The following SGCZ variants were observed in gnomAD, a reference collection of about 807,000 sequenced individuals.
The protein encoded by SGCZ is sarcoglycan zeta.
SGCZ carries 40 observed loss-of-function variants against 41.3 expected under a neutral mutation model. The observed-to-expected ratio is 0.97, with a 90% CI of 0.75 to 1.26. The LOEUF (loss-of-function observed/expected upper bound fraction) is 1.26. Among genes scored for constraint, SGCZ ranks in the 50% most tolerant of loss-of-function variants. SGCZ has a pLI of 0.00. For synonymous variants in SGCZ, 206 were observed against 137.5 expected, an observed-to-expected ratio of 1.50 and a Z score of -3.49; for missense variants, 552 against 369.8, an observed-to-expected ratio of 1.49 and a Z score of -4.04.
At chr8:14,602,514 C>T (rs1001525538) in intron 1 of SGCZ, among the ~76,000 whole-genome samples, 1 of 151,938 alleles carries the variant, frequency 6.6e-6, no homozygotes, top group East Asian at 1.9e-4. Flanking sequence ...GTGAGATCCT[C>T]TCTCTAGTGA....
chr8:14,599,360 C>A (rs1043363141), intron 1 of SGCZ, among the ~76,000 whole-genome samples: 3 of 152,170 alleles, frequency 2.0e-5, no homozygotes, highest in African/African-American at 7.2e-5. Context: ...CTTGTCAAAA[C>A]CACCTCTACA....
intron 2 of SGCZ, among the ~76,000 whole-genome samples, chr8:14,504,520 C>T (rs565385069): frequency 6.6e-6 from 1 of 152,216 alleles, no homozygotes; most frequent in South Asian, 2.1e-4. Flanking sequence ...TTGTCATAGA[C>T]TTTTATTATC....
At chr8:15,031,590 A>T (rs1279685704) in intron 1 of SGCZ, among the ~76,000 whole-genome samples, 2 of 152,172 alleles carry the variant, frequency 1.3e-5, no homozygotes, top group African/African-American at 4.8e-5. Flanking sequence ...AAGTCAAGGA[A>T]TATGTGCAAG....
intron 1 of SGCZ, among the ~76,000 whole-genome samples, chr8:15,102,819 C>A (rs1418895132): frequency 6.6e-6 from 1 of 152,162 alleles, no homozygotes; most frequent in African/African-American, 2.4e-5. Context: ...TCAAGTCTTA[C>A]ATTTCTAATG....
intron 5 of SGCZ, among the ~76,000 whole-genome samples, chr8:14,144,403 A>G (rs1563151614): frequency 6.6e-6 from 1 of 152,182 alleles, no homozygotes; most frequent in Admixed American, 6.5e-5. Flanking sequence ...TTTGAAGAAA[A>G]GGACCCAGTC....
chr8:14,690,728 G>A (rs562303459), intron 1 of SGCZ: 1 of 152,186 alleles, frequency 6.6e-6, no homozygotes, highest in East Asian at 1.9e-4. Flanking sequence ...CCTTCATTCT[G>A]TTCAGAATAT....
At chr8:15,195,875 C>T (rs980458600) in intron 1 of SGCZ, among the ~76,000 whole-genome samples, 2 of 149,066 alleles carry the variant, frequency 1.3e-5, no homozygotes, top group Non-Finnish European at 3.0e-5. Flanking sequence ...GGGTTTTATA[C>T]ATCCTTAGGC....
intron 4 of SGCZ, among the ~76,000 whole-genome samples, chr8:14,220,327 GA>G (rs1287903522): frequency 5.3e-5 from 8 of 152,038 alleles, no homozygotes; most frequent in East Asian, 3.9e-4. Context: ...AATATTACGA[GA>G]AAAAAAGTCA....
intron 1 of SGCZ, among the ~76,000 whole-genome samples, chr8:14,576,445 T>A (rs1486602021): frequency 6.6e-6 from 1 of 152,170 alleles, no homozygotes; most frequent in East Asian, 1.9e-4. Context: ...TGAAGTAATA[T>A]GTAGTAGTGG....
At chr8:14,774,545 T>A (rs771654248) in intron 1 of SGCZ, among the ~76,000 whole-genome samples, 1 of 152,152 alleles carries the variant, frequency 6.6e-6, no homozygotes, top group Non-Finnish European at 1.5e-5. Context: ...GGTGTGGAAA[T>A]CAGTCTTTAT....
At chr8:14,479,731 CTTTTTTTTTT>C (rs529812029) in intron 2 of SGCZ, among the ~76,000 whole-genome samples, 14 of 52,978 alleles carry the variant, frequency 2.6e-4, no homozygotes, top group African/African-American at 7.1e-4. Context: ...AATTCTACTT[CTTTTTTTTTT>C]TTTTTTTTTT....
At position 14,465,952 on chromosome 8, in the gene SGCZ, G is replaced by A. The variant is rs571390674; in HGVS notation, c.234+88780C>T. On this transcript the variant is annotated intron_variant, in intron 2 of 7. Transcript: ENST00000382080. Reference sequence around the variant, plus strand: ...AGCTTTAGACTAATAAGTTTTTAATGTATTTTTCTCTTAAATCATGTACAA... The same window carrying A: ...AGCTTTAGACTAATAAGTTTTTAATATATTTTTCTCTTAAATCATGTACAA... Among the ~76,000 whole-genome samples, 8 of 151,976 alleles carry A rather than the reference G, an allele frequency of 5.3e-5. No homozygotes were observed. In the South Asian group the frequency reaches 1.7e-3, roughly 32 times the overall value.
rs185533386 is a variant in SGCZ, at chr8:14,270,204, T to C, written c.337-32525A>G. On this transcript the variant is annotated intron_variant, in intron 3 of 7. Transcript: ENST00000382080. ...AAAATTAGCTGGTTGTGGTGACCCA[T>C]GTCTGTAATCCCAGCTACTAGGGAG... Among the ~76,000 whole-genome samples, 455 of 152,078 alleles carry C rather than the reference T, an allele frequency of 3.0e-3. 1 individual carries two copies. The highest frequency in any genetic ancestry group is 0.01 in the African/African-American group (423 of 41,496).
intron 3 of SGCZ, among the ~76,000 whole-genome samples, chr8:14,255,742 G>A (rs1195999410): frequency 6.6e-6 from 1 of 151,922 alleles, no homozygotes; most frequent in African/African-American, 2.4e-5. Flanking sequence ...TGCTACCTTT[G>A]CAGTATAATG....
At chr8:14,622,139 C>A (rs1368569095) in intron 1 of SGCZ, among the ~76,000 whole-genome samples, 3 of 152,028 alleles carry the variant, frequency 2.0e-5, no homozygotes, top group Non-Finnish European at 4.4e-5. Context: ...AGAAGAGGTT[C>A]ATGGGAGAAG....
intron 1 of SGCZ, among the ~76,000 whole-genome samples, chr8:15,160,661 G>A (rs1170177307): frequency 6.6e-6 from 1 of 152,080 alleles, no homozygotes; most frequent in Non-Finnish European, 1.5e-5. Flanking sequence ...ATACATTAAA[G>A]CAGACATCTC....
intron 3 of SGCZ, among the ~76,000 whole-genome samples, chr8:14,293,167 C>A (rs565008389): frequency 2.0e-5 from 3 of 151,944 alleles, no homozygotes; most frequent in Middle Eastern, 3.4e-3. Context: ...AAAATAAAAA[C>A]CAAAAGAATA....
chr8:14,682,790 A>C (rs1373597567), intron 1 of SGCZ, among the ~76,000 whole-genome samples: 1 of 152,100 alleles, frequency 6.6e-6, no homozygotes, highest in Non-Finnish European at 1.5e-5. Context: ...TACCTTAAAC[A>C]CTCAGTTTTG....
At chr8:15,102,163 G>C (rs568405532) in intron 1 of SGCZ, among the ~76,000 whole-genome samples, 1 of 152,178 alleles carries the variant, frequency 6.6e-6, no homozygotes, top group Non-Finnish European at 1.5e-5. Context: ...CAACCAAGGT[G>C]TCCTTCAGTA....
Sources: gnomAD v4.1 joint callset for allele counts (sites outside exome capture counted in the v4.1 genomes callset) on GRCh38, gnomAD v4.1.1 for gene constraint, MANE v1.5 for transcripts, NCBI Gene and HGNC (gene_info 2026-07-23, HGNC 2026-07-21) for gene names.